The following RASAL2 variants were observed in gnomAD, a reference collection of about 807,000 sequenced individuals.
RASAL2 encodes RAS protein activator like 2.
A neutral mutation model predicts 128.9 loss-of-function variants in RASAL2; 58 were observed. The ratio of observed to expected loss-of-function variants is 0.45; its 90% CI spans 0.36 to 0.56. The LOEUF is 0.56. Ranked by LOEUF, RASAL2 falls within the 20% of genes least tolerant of loss-of-function variation. RASAL2 has a pLI of 0.00. For synonymous variants in RASAL2, 561 were observed against 580.8 expected, an observed-to-expected ratio of 0.97 and a Z score of 0.49; for missense variants, 1,360 against 1,601.6, an observed-to-expected ratio of 0.85 and a Z score of 2.57.
At chr1:178,199,421 A>G (rs766239265) in intron 1 of RASAL2, among the ~76,000 whole-genome samples, 14 of 152,172 alleles carry the variant, frequency 9.2e-5, no homozygotes, top group Non-Finnish European at 2.1e-4. Flanking sequence ...AGCTGTTCCT[A>G]TTTGGCCATC....
intron 1 of RASAL2, among the ~76,000 whole-genome samples, chr1:178,257,847 G>GAAAAAAAAAAAAAAAAAA (rs71108038): frequency 7.8e-6 from 1 of 128,074 alleles, no homozygotes. Flanking sequence ...TCTCAAAAAA[G>GAAAAAAAAAAAAAAAAAA]AAAAAAAAAA....
intron 3 of RASAL2, among the ~76,000 whole-genome samples, chr1:178,352,133 T>C (rs1035436522): frequency 2.6e-5 from 4 of 152,204 alleles, no homozygotes; most frequent in Non-Finnish European, 5.9e-5. Flanking sequence ...ATGCTATGTT[T>C]TCTAGGATTT....
At chr1:178,191,954 AT>A (rs1662508703) in intron 1 of RASAL2, among the ~76,000 whole-genome samples, 1 of 152,210 alleles carries the variant, frequency 6.6e-6, no homozygotes, top group Non-Finnish European at 1.5e-5. Flanking sequence ...CAAAAGACTT[AT>A]GTGAATCTAA....
intron 1 of RASAL2, among the ~76,000 whole-genome samples, chr1:178,166,943 G>A (rs1661537073): frequency 6.6e-6 from 1 of 151,982 alleles, no homozygotes; most frequent in Admixed American, 6.6e-5. Flanking sequence ...TCAATTATTA[G>A]GAGTCATTTT....
At chr1:178,210,715 A>G (rs906351621) in intron 1 of RASAL2, among the ~76,000 whole-genome samples, 6 of 152,212 alleles carry the variant, frequency 3.9e-5, no homozygotes, top group African/African-American at 4.8e-5. Context: ...ATTCTGAAAG[A>G]CATTTGGTCT....
At chr1:178,157,464 TG>T (rs1481037512) in intron 1 of RASAL2, among the ~76,000 whole-genome samples, 5 of 152,044 alleles carry the variant, frequency 3.3e-5, no homozygotes, top group Admixed American at 2.6e-4. Flanking sequence ...TTGTGTGGAG[TG>T]GGGAATTGGT....
At chr1:178,431,757 G>T (rs1052010957) in intron 5 of RASAL2, among the ~76,000 whole-genome samples, 2 of 151,758 alleles carry the variant, frequency 1.3e-5, no homozygotes, top group Non-Finnish European at 2.9e-5. Flanking sequence ...ATATCTGTAG[G>T]TTCCAATATG....
intron 2 of RASAL2, among the ~76,000 whole-genome samples, chr1:178,290,079 C>T (rs1351450747): frequency 6.6e-6 from 1 of 152,104 alleles, no homozygotes; most frequent in Non-Finnish European, 1.5e-5. Context: ...ATAGCATTTG[C>T]CACCTGCTAA....
At chr1:178,140,070 C>T (rs1237688404) in intron 1 of RASAL2, among the ~76,000 whole-genome samples, 1 of 152,074 alleles carries the variant, frequency 6.6e-6, no homozygotes, top group Non-Finnish European at 1.5e-5. Context: ...ATTCTAAAAC[C>T]TATGAAAGCA....
intron 1 of RASAL2, among the ~76,000 whole-genome samples, chr1:178,220,534 G>A (rs1381684952): frequency 6.6e-6 from 1 of 152,206 alleles, no homozygotes; most frequent in Non-Finnish European, 1.5e-5. Context: ...GAGATACAAA[G>A]CGAGCACATG....
chr1:178,324,792 A>G (rs986600878), intron 3 of RASAL2, among the ~76,000 whole-genome samples: 1 of 152,076 alleles, frequency 6.6e-6, no homozygotes, highest in Non-Finnish European at 1.5e-5. Context: ...TTTTAAGTTT[A>G]CATTTCAAGC....
At chr1:178,235,074 G>T (rs1664171745) in intron 1 of RASAL2, among the ~76,000 whole-genome samples, 1 of 152,020 alleles carries the variant, frequency 6.6e-6, no homozygotes, top group African/African-American at 2.4e-5. Context: ...CTTCCTCCTT[G>T]ATGTGCCTCT....
chr1:178,442,952 C>T lies in RASAL2; in HGVS notation c.1205C>T (p.Thr402Ile), dbSNP rs975033942. The change falls in exon 8 of 18, where the codon ACT becomes ATT. Residue 402 changes from threonine to isoleucine, a missense_variant. Physicochemically the swap from Thr to Ile is moderately conservative, Grantham distance 89. This residue lies in a region of RASAL2 where 617 missense variants were observed against 714.2 expected (regional missense o/e 0.86). Transcript: ENST00000367649. ...NNYVGLVNIP[T>I]ASVTGRQFVE... ...TATGTAGGGCTAGTCAACATCCCCA[C>T]TGCCAGTGTGACTGGTCGCCAATTT... The T allele has an allele frequency of 9.3e-6, 15 of 1,614,062 alleles. No homozygotes were observed. The highest frequency in any genetic ancestry group is 1.3e-5 in the Non-Finnish European group (15 of 1,179,994).
intron 1 of RASAL2, among the ~76,000 whole-genome samples, chr1:178,200,073 G>A (rs972219207): frequency 6.6e-6 from 1 of 152,122 alleles, no homozygotes; most frequent in African/African-American, 2.4e-5. Context: ...ATGGTACCTC[G>A]TGATCGTGTG....
chr1:178,225,410 ATC>A (rs780761530), intron 1 of RASAL2, among the ~76,000 whole-genome samples: 3 of 151,944 alleles, frequency 2.0e-5, no homozygotes, highest in Non-Finnish European at 4.4e-5. Flanking sequence ...TGATATATTA[ATC>A]ATTATTTTAA....
intron 3 of RASAL2, among the ~76,000 whole-genome samples, chr1:178,371,339 C>T (rs182863268): frequency 7.2e-6 from 1 of 138,042 alleles, no homozygotes; most frequent in African/African-American, 3.1e-5. Flanking sequence ...CACACACACA[C>T]ACACACACAC....
rs80299681 is a variant in RASAL2 at position 178,305,404 on chromosome 1, C to T, written c.457+5286C>T. On this transcript the variant is annotated intron_variant, in intron 3 of 17. Transcript: ENST00000367649. ...CATTACCTGAGTTCAAATTACAGTACAGAGGTATAGTAACCAAAATAGCAC... is the reference window on the plus strand; with the variant it reads ...CATTACCTGAGTTCAAATTACAGTATAGAGGTATAGTAACCAAAATAGCAC... 2.5e-3 allele frequency among the ~76,000 whole-genome samples: 382 copies of T among 152,242 alleles called. 3 individuals carry two copies. Among genetic ancestry groups the T allele is most frequent in the African/African-American group, 8.9e-3 (368 of 41,548 alleles).
At chr1:178,199,173 A>G (rs1193328769) in intron 1 of RASAL2, among the ~76,000 whole-genome samples, 1 of 152,252 alleles carries the variant, frequency 6.6e-6, no homozygotes, top group African/African-American at 2.4e-5. Flanking sequence ...TGCAGTGTTT[A>G]GGTGGCAGTG....
intron 15 of RASAL2, among the ~76,000 whole-genome samples, chr1:178,465,714 C>T (rs1647601468): frequency 6.6e-6 from 1 of 151,244 alleles, no homozygotes; most frequent in African/African-American, 2.4e-5. Flanking sequence ...ACATTTATGC[C>T]AGTTGATAAT....
Sources: gnomAD v4.1 joint callset for allele counts (sites outside exome capture counted in the v4.1 genomes callset) on GRCh38, gnomAD v4.1.1 for gene constraint, gnomAD v4.1.1 regional missense constraint, MANE v1.5 for transcripts, NCBI Gene and HGNC (gene_info 2026-07-23, HGNC 2026-07-21) for gene names.